MAGI2: variants seen among roughly 807,000 people sequenced by gnomAD.
The protein encoded by MAGI2 is membrane associated guanylate kinase, WW and PDZ domain containing 2, also known as membrane-associated guanylate kinase, WW and PDZ domain-containing protein 2.
In MAGI2, 35 loss-of-function variants were observed where a neutral mutation model predicts 133.3. The observed-to-expected ratio is 0.26, with a 90% CI of 0.20 to 0.35. MAGI2 has a LOEUF of 0.35. Among genes scored for constraint, MAGI2 ranks in the 10% least tolerant of loss-of-function variants. The probability of loss-of-function intolerance (pLI) is 1.00; values close to 1 mark genes in which losing one functional copy is unlikely to be tolerated. For missense variants in MAGI2, 1,636 were observed against 1,863.4 expected (o/e 0.88, Z 2.25); for synonymous variants, 729 against 710.6 (o/e 1.03, Z -0.41).
At chr7:78,479,271 C>T (rs970415582) in intron 6 of MAGI2, among the ~76,000 whole-genome samples, 1 of 151,904 alleles carries the variant, frequency 6.6e-6, no homozygotes, top group Non-Finnish European at 1.5e-5. Context: ...TGTATCAAAA[C>T]ACCAAATAAT....
intron 21 of MAGI2, among the ~76,000 whole-genome samples, chr7:78,043,291 G>GC (rs1390307845): frequency 6.6e-6 from 1 of 152,180 alleles, no homozygotes; most frequent in African/African-American, 2.4e-5. Context: ...GATACAAAGG[G>GC]CCTTGGATCA....
intron 1 of MAGI2, among the ~76,000 whole-genome samples, chr7:79,363,479 T>C (rs1230914287): frequency 6.6e-6 from 1 of 151,000 alleles, no homozygotes; most frequent in Non-Finnish European, 1.5e-5. Flanking sequence ...CTAAAGTTTA[T>C]ATGGAAAGGC....
chr7:78,157,792 A>T (rs921717088), intron 16 of MAGI2, among the ~76,000 whole-genome samples: 2 of 152,188 alleles, frequency 1.3e-5, no homozygotes, highest in Non-Finnish European at 2.9e-5. Context: ...TATCCTTTTA[A>T]TCTTGGTGAA....
At chr7:78,062,518 C>G (rs1303146471) in intron 21 of MAGI2, among the ~76,000 whole-genome samples, 1 of 152,216 alleles carries the variant, frequency 6.6e-6, no homozygotes, top group African/African-American at 2.4e-5. Context: ...TTTGAAGCCC[C>G]TCTCTGGCTT....
chr7:79,249,666 A>C (rs958315405), intron 1 of MAGI2, among the ~76,000 whole-genome samples: 11 of 152,284 alleles, frequency 7.2e-5, no homozygotes, highest in African/African-American at 2.6e-4. Flanking sequence ...AAATTCACCC[A>C]GCAAAGAAAA....
intron 3 of MAGI2, among the ~76,000 whole-genome samples, chr7:78,571,618 C>A (rs1241704645): frequency 6.6e-6 from 1 of 151,880 alleles, no homozygotes; most frequent in African/African-American, 2.4e-5. Context: ...AGTGAGACAA[C>A]TGACATTCAA....
chr7:78,487,197 A>C, intron 6 of MAGI2: 1 of 234,824 alleles, frequency 4.3e-6, no homozygotes, highest in South Asian at 6.5e-5. Context: ...AAAAGCCAAA[A>C]TACCAAATAG....
intron 1 of MAGI2, among the ~76,000 whole-genome samples, chr7:79,425,783 T>C (rs972317685): frequency 2.0e-5 from 3 of 150,674 alleles, no homozygotes; most frequent in Non-Finnish European, 3.0e-5. Context: ...GAGAGAGGGT[T>C]GGGGGATGGA....
chr7:78,669,558 C>T (rs1227116911), intron 2 of MAGI2, among the ~76,000 whole-genome samples: 1 of 152,116 alleles, frequency 6.6e-6, no homozygotes, highest in Non-Finnish European at 1.5e-5. Flanking sequence ...GGAATCCTCC[C>T]TAACTCATTT....
At chr7:78,353,535 T>C (rs1266830402) in intron 7 of MAGI2, among the ~76,000 whole-genome samples, 1 of 152,090 alleles carries the variant, frequency 6.6e-6, no homozygotes, top group Non-Finnish European at 1.5e-5. Flanking sequence ...ATTCTAGAAG[T>C]GGTCAGGAAA....
At chr7:78,179,080 C>G (rs973026780) in intron 13 of MAGI2, among the ~76,000 whole-genome samples, 10 of 152,242 alleles carry the variant, frequency 6.6e-5, no homozygotes, top group Non-Finnish European at 1.3e-4. Flanking sequence ...GCTGCGCATA[C>G]TTTCATGTCC....
chr7:79,304,836 A>G (rs1837660996), intron 1 of MAGI2, among the ~76,000 whole-genome samples: 1 of 152,150 alleles, frequency 6.6e-6, no homozygotes, highest in African/African-American at 2.4e-5. Context: ...TGGAAAAGGA[A>G]TGCATTAAAT....
chr7:78,186,561 T>C (rs1467878387), intron 12 of MAGI2, among the ~76,000 whole-genome samples: 1 of 152,126 alleles, frequency 6.6e-6, no homozygotes, highest in Admixed American at 6.5e-5. Context: ...TCCCTTGATT[T>C]TCATTCTGCC....
intron 1 of MAGI2, among the ~76,000 whole-genome samples, chr7:79,022,858 A>T (rs982543211): frequency 1.3e-5 from 2 of 152,158 alleles, no homozygotes; most frequent in African/African-American, 4.8e-5. Flanking sequence ...AATCAGTCAT[A>T]GAAAGCCTAT....
intron 2 of MAGI2, among the ~76,000 whole-genome samples, chr7:78,920,223 C>T (rs914266483): frequency 5.3e-5 from 8 of 152,088 alleles, no homozygotes; most frequent in Non-Finnish European, 8.8e-5. Context: ...GATGTGAATT[C>T]ACATATAGAC....
intron 3 of MAGI2, among the ~76,000 whole-genome samples, chr7:78,572,416 TA>T (rs1801595415): frequency 6.6e-6 from 1 of 152,142 alleles, no homozygotes; most frequent in Non-Finnish European, 1.5e-5. Context: ...CAAAAGTTCA[TA>T]GATGTGGGGC....
At chr7:78,860,084 C>G (rs539999541) in intron 2 of MAGI2, among the ~76,000 whole-genome samples, 113 of 152,332 alleles carry the variant, frequency 7.4e-4, no homozygotes, top group African/African-American at 2.6e-3. Context: ...TGGTTTTCAG[C>G]TCCATCAGGT....
Position 78,462,745 on chromosome 7 carries a change from G to A in MAGI2, c.1045+27016C>T, listed in dbSNP as rs572806942. On this transcript the variant is annotated intron_variant, in intron 6 of 21. Transcript: ENST00000354212. Reference sequence around the variant, plus strand: ...GAATCAAAAGCTTCCTAGAAAATCCGGGTAAAATTGTAATGCTGCTGTGTG... The same window carrying A: ...GAATCAAAAGCTTCCTAGAAAATCCAGGTAAAATTGTAATGCTGCTGTGTG... Among the ~76,000 whole-genome samples, 41 of 152,266 alleles carry A rather than the reference G, an allele frequency of 2.7e-4. 1 individual carries two copies. Among genetic ancestry groups the A allele is most frequent in the Admixed American group, 1.2e-3 (19 of 15,292 alleles).
chr7:79,332,966 T>G (rs1043776117), intron 1 of MAGI2, among the ~76,000 whole-genome samples: 11 of 152,104 alleles, frequency 7.2e-5, no homozygotes, highest in African/African-American at 2.7e-4. Context: ...TCCAAATATT[T>G]TATTTGAAAA....
Sources: gnomAD v4.1 joint callset for allele counts (sites outside exome capture counted in the v4.1 genomes callset) on GRCh38, gnomAD v4.1.1 for gene constraint, MANE v1.5 for transcripts, NCBI Gene and HGNC (gene_info 2026-07-23, HGNC 2026-07-21) for gene names.